Variants in L3MBTL3 observed in about 807,000 individuals in gnomAD.
L3MBTL3 encodes the protein lethal(3)malignant brain tumor-like protein 3.
A neutral mutation model predicts 102.3 loss-of-function variants in L3MBTL3; 27 were observed. That is an observed-to-expected ratio of 0.26 (90% CI 0.19 to 0.36). The LOEUF is 0.36. Among genes scored for constraint, L3MBTL3 ranks in the 10% least tolerant of loss-of-function variants. L3MBTL3 has a pLI of 1.00. For missense variants in L3MBTL3, 798 were observed against 955.3 expected, an observed-to-expected ratio of 0.84 and a Z score of 2.17; for synonymous variants, 340 against 320.9, an observed-to-expected ratio of 1.06 and a Z score of -0.64.
intron 16 of L3MBTL3, among the ~76,000 whole-genome samples, chr6:130,089,174 G>A (rs1245157439): frequency 7.2e-5 from 11 of 151,764 alleles, no homozygotes; most frequent in Non-Finnish European, 1.5e-4. Context: ...CCATTAACTC[G>A]TCATTTACAT....
At chr6:130,070,088 A>G (rs761117519) in intron 12 of L3MBTL3, among the ~76,000 whole-genome samples, 1 of 152,122 alleles carries the variant, frequency 6.6e-6, no homozygotes, top group Non-Finnish European at 1.5e-5. Flanking sequence ...TGAGTCTAAC[A>G]GAGGTTTTTG....
chr6:130,024,456 T>C (rs1779207692), intron 2 of L3MBTL3, among the ~76,000 whole-genome samples: 1 of 152,140 alleles, frequency 6.6e-6, no homozygotes, highest in Admixed American at 6.5e-5. Context: ...AAAAACCCAA[T>C]AGGAGTGGAA....
At chr6:130,088,421 G>A (rs990544277) in intron 16 of L3MBTL3, among the ~76,000 whole-genome samples, 1 of 152,096 alleles carries the variant, frequency 6.6e-6, no homozygotes, top group Admixed American at 6.6e-5. Context: ...TTTTTAAGAA[G>A]GAAGAAGAGG....
intron 13 of L3MBTL3, among the ~76,000 whole-genome samples, chr6:130,078,257 A>G (rs759633223): frequency 2.0e-5 from 3 of 152,334 alleles, no homozygotes; most frequent in Middle Eastern, 3.4e-3. Flanking sequence ...AATCTAAATT[A>G]TAAATTTTAA....
intron 5 of L3MBTL3, 59 bp from the exon 6 acceptor site, chr6:130,051,190 G>A: frequency 7.1e-7 from 1 of 1,408,360 alleles, no homozygotes; most frequent in Non-Finnish European, 9.8e-7. Flanking sequence ...AAGTTTGATT[G>A]TATTTTAGAA....
intron 19 of L3MBTL3, among the ~76,000 whole-genome samples, chr6:130,116,784 C>A (rs1785716048): frequency 6.6e-6 from 1 of 151,650 alleles, no homozygotes; most frequent in East Asian, 1.9e-4. Flanking sequence ...TGCGCCTAAG[C>A]AGCTTGTACC....
intron 22 of L3MBTL3, among the ~76,000 whole-genome samples, chr6:130,134,573 C>G (rs528822627): frequency 6.6e-6 from 1 of 152,240 alleles, no homozygotes. Flanking sequence ...AGCAGGAGAC[C>G]CTTTTCAGTA....
intron 7 of L3MBTL3, among the ~76,000 whole-genome samples, chr6:130,053,193 C>G (rs1455663847): frequency 6.6e-6 from 1 of 152,108 alleles, no homozygotes; most frequent in Non-Finnish European, 1.5e-5. Context: ...GTATCCTTCT[C>G]TCAGGGTGAA....
At chr6:130,081,947 G>C (rs902197282) in intron 14 of L3MBTL3, among the ~76,000 whole-genome samples, 1 of 152,096 alleles carries the variant, frequency 6.6e-6, no homozygotes, top group African/African-American at 2.4e-5. Context: ...TAAGTTTGAG[G>C]ATTACAGATC....
chr6:130,050,349 A>G (rs564112252), intron 5 of L3MBTL3, among the ~76,000 whole-genome samples: 67 of 152,344 alleles, frequency 4.4e-4, no homozygotes, highest in African/African-American at 1.6e-3. Flanking sequence ...GCAGCACAGA[A>G]TTACGTGTAA....
chr6:130,036,990 C>T (rs1235566230), intron 2 of L3MBTL3, among the ~76,000 whole-genome samples: 8 of 152,070 alleles, frequency 5.3e-5, no homozygotes, highest in Admixed American at 2.0e-4. Context: ...GTTGAGTTAC[C>T]AAATCTTTCT....
chr6:130,108,220 G>GTTTTT (rs376419261), intron 19 of L3MBTL3, among the ~76,000 whole-genome samples: 2,420 of 117,980 alleles, frequency 0.021, 429 homozygotes, highest in Non-Finnish European at 0.033. Context: ...ATGTTAGGTG[G>GTTTTT]TTTTTTTTTT....
At chr6:130,066,542 C>T in intron 11 of L3MBTL3, 54 bp downstream of exon 11, 2 of 1,454,856 alleles carry the variant, frequency 1.4e-6, no homozygotes, top group East Asian at 2.4e-5. Flanking sequence ...CATTTTCTTA[C>T]ATGCTACATT....
intron 16 of L3MBTL3, among the ~76,000 whole-genome samples, chr6:130,089,839 CAA>C (rs35333288): frequency 6.8e-6 from 1 of 146,290 alleles, no homozygotes. Flanking sequence ...TTTTTCACAG[CAA>C]AAAAAAAAAA....
At chr6:130,019,534 C>T (rs1222519595) in intron 1 of L3MBTL3, 1 of 151,462 alleles carries the variant, frequency 6.6e-6, no homozygotes. Flanking sequence ...GGAGAATGGA[C>T]TGGTTGAATG....
At chr6:130,037,668 C>G (rs1584295505) in intron 2 of L3MBTL3, among the ~76,000 whole-genome samples, 2 of 152,164 alleles carry the variant, frequency 1.3e-5, no homozygotes, top group Admixed American at 6.5e-5. Context: ...AATAATTGTA[C>G]ACATTAATGG....
intron 2 of L3MBTL3, among the ~76,000 whole-genome samples, chr6:130,038,339 C>G (rs747286884): frequency 2.0e-5 from 3 of 151,720 alleles, no homozygotes; most frequent in Non-Finnish European, 4.4e-5. Flanking sequence ...TTTGAGGATC[C>G]TCCATACTGT....
chr6:130,134,998 A>G (rs1038659107), intron 22 of L3MBTL3, among the ~76,000 whole-genome samples: 1 of 147,896 alleles, frequency 6.8e-6, no homozygotes, highest in African/African-American at 2.6e-5. Flanking sequence ...TTTAATTGGC[A>G]GTTATTCAGA....
intron 3 of L3MBTL3, among the ~76,000 whole-genome samples, chr6:130,045,246 C>T (rs1242322501): frequency 3.9e-5 from 6 of 152,094 alleles, no homozygotes; most frequent in Non-Finnish European, 8.8e-5. Context: ...TCATTTCACT[C>T]CCACTGCCAC....
Sources: gnomAD v4.1 joint callset for allele counts (sites outside exome capture counted in the v4.1 genomes callset) on GRCh38, gnomAD v4.1.1 for gene constraint, MANE v1.5 for transcripts, NCBI Gene and HGNC (gene_info 2026-07-23, HGNC 2026-07-21) for gene names.